The following DAZL variants were observed in gnomAD, a reference collection of about 807,000 sequenced individuals.
DAZL encodes the protein deleted in azoospermia like.
Under a neutral mutation model 45.0 loss-of-function variants are expected in DAZL, and 4 were observed. The ratio of observed to expected loss-of-function variants is 0.09; its 90% CI spans 0.04 to 0.20. The LOEUF is 0.20. DAZL is among the 10% of genes least tolerant of loss of function. The pLI is 1.00. For missense variants in DAZL, 326 were observed against 351.3 expected (o/e 0.93, Z 0.58); for synonymous variants, 122 against 112.4 (o/e 1.09, Z -0.54).
intron 7 of DAZL, among the ~76,000 whole-genome samples, chr3:16,594,849 T>C (rs1192097579): frequency 6.6e-6 from 1 of 152,106 alleles, no homozygotes; most frequent in Non-Finnish European, 1.5e-5. Flanking sequence ...TTTATTACCA[T>C]AGATATGATT....
At chr3:16,595,291 C>A (rs1694582237) in intron 7 of DAZL, 23 bp downstream of exon 7, 1 of 1,342,294 alleles carries the variant, frequency 7.4e-7, no homozygotes, top group Non-Finnish European at 1.0e-6. Context: ...GAAAGTAAAT[C>A]ATTTTACTCC....
At chr3:16,595,230 C>T (rs2125045449) in intron 7 of DAZL, 84 bp downstream of exon 7, 1 of 784,186 alleles carries the variant, frequency 1.3e-6, no homozygotes, top group Middle Eastern at 3.9e-4. Context: ...TTTAAAATGA[C>T]AAACCATTCA....
chr3:16,605,052 C>G, intron 1 of DAZL, 151 bp downstream of exon 1: 1 of 1,092,242 alleles, frequency 9.2e-7, no homozygotes, highest in Non-Finnish European at 1.4e-6. Context: ...CCTCTCCCAA[C>G]TCTGTGGGCC....
At chr3:16,604,489 G>C (rs55900737) in intron 1 of DAZL, 1 of 1,524,018 alleles carries the variant, frequency 6.6e-7, no homozygotes, top group Non-Finnish European at 8.8e-7. Flanking sequence ...GCCGCCACAC[G>C]AGGGAGCCGC....
At position 16,589,158 on chromosome 3, in the gene DAZL, G is replaced by GT. The variant is rs1193519549; in HGVS notation, c.835-446dup. On this transcript the variant is annotated intron_variant, in intron 10 of 10. Transcript: ENST00000399444. ...ATTTCATGTTTTTAGGTTAAAAGAT[G>GT]TAAGTTTTGGCATTTAAAGACATAT... Among the ~76,000 whole-genome samples, 5 of 152,110 alleles carry GT rather than the reference G, an allele frequency of 3.3e-5. No individual in the cohort carries two copies. The East Asian group carries it at 5.8e-4, about 18-fold the overall frequency.
rs941891727 is a variant in DAZL, at chr3:16,605,404, C to G, written c.-199G>C. On this transcript the variant is annotated 5_prime_UTR_variant, in exon 1 of 11. Transcript: ENST00000399444. ...GAGCCCCGAAAGGCGGACCGTCAGGCTGAGGAGCGCAGGCGGACTGAGGCG... is the reference window on the plus strand; with the variant it reads ...GAGCCCCGAAAGGCGGACCGTCAGGGTGAGGAGCGCAGGCGGACTGAGGCG... 4 of 677,916 alleles carry G rather than the reference C, an allele frequency of 5.9e-6. No homozygotes were observed. The highest frequency in any genetic ancestry group is 2.3e-5 in the Admixed American group (1 of 43,612). 42.0% of individuals were successfully genotyped at this position (677,916 alleles called of 1,614,324 possible).
rs1694629050 is a variant in DAZL at position 16,598,152 on chromosome 3, G to A, written c.177C>T (p.Phe59=). The A allele has an allele frequency of 6.2e-7, 1 of 1,600,098 alleles. No homozygotes were observed. The highest frequency in any genetic ancestry group is 2.2e-5 in the East Asian group (1 of 44,486). Residue 59 remains phenylalanine (F), a synonymous_variant, in exon 3 of 11, where the codon TTC becomes TTT. Coordinates refer to ENST00000399444, the MANE Select transcript of DAZL (RefSeq NM_001351.4). ...CTTTCACTGAACCATATCTAGCAAA[G>A]AAGCTTCTAATCTCAGTTTCATCCA... is the stretch of plus-strand genomic sequence containing the variant. ...VRMDETEIRS[F]FARYGSVKEV... is the part of the protein sequence containing the mutation.
Position 16,596,901 on chromosome 3 carries a change from G to C in DAZL, c.359-12C>G. ...CACATGATAAGCACCTTTTTGAAAA[G>C]CAAAAAGAAAAGGCCTATTTTTAGT... On this transcript the variant is annotated splice_polypyrimidine_tract_variant and intron_variant, in intron 5 of 10. Transcript: ENST00000399444. 1.2e-6 allele frequency: 2 copies of C among 1,613,508 alleles called. No individual in the cohort carries two copies. The highest frequency in any genetic ancestry group is 1.3e-5 in the African/African-American group (1 of 74,994).
chr3:16,598,776 A>G (rs1694638821), intron 1 of DAZL, among the ~76,000 whole-genome samples, 178 bp from the exon 2 acceptor site: 1 of 148,616 alleles, frequency 6.7e-6, no homozygotes, highest in Non-Finnish European at 1.5e-5. Flanking sequence ...TTTTAATGAA[A>G]GGATATAGTA....
At chr3:16,602,439 TAC>T (rs1455384324) in intron 1 of DAZL, among the ~76,000 whole-genome samples, 6 of 152,124 alleles carry the variant, frequency 3.9e-5, no homozygotes, top group Non-Finnish European at 7.3e-5. Context: ...GAGGTGCACA[TAC>T]ACATCAGACA....
intron 3 of DAZL, 114 bp downstream of exon 3, chr3:16,597,973 A>G (rs1424982720): frequency 2.8e-5 from 33 of 1,159,222 alleles, no homozygotes; most frequent in Non-Finnish European, 1.8e-5. Context: ...CCTCTACATG[A>G]AAGAAATTAA....
intron 10 of DAZL, among the ~76,000 whole-genome samples, chr3:16,590,492 C>A (rs1694501579): frequency 6.6e-6 from 1 of 152,130 alleles, no homozygotes; most frequent in Non-Finnish European, 1.5e-5. Context: ...TCTGGCAGTT[C>A]CACTGAAGGT....
intron 10 of DAZL, 77 bp downstream of exon 10, chr3:16,591,973 C>A: frequency 6.7e-7 from 1 of 1,496,094 alleles, no homozygotes; most frequent in Non-Finnish European, 9.3e-7. Context: ...TCTCAAAATA[C>A]ATATACCACA....
intron 6 of DAZL, among the ~76,000 whole-genome samples, chr3:16,595,971 T>C (rs1178894345): frequency 6.6e-6 from 1 of 151,878 alleles, no homozygotes; most frequent in Non-Finnish European, 1.5e-5. Context: ...GATGCAGTAA[T>C]GACTCACAGT....
chr3:16,602,883 C>G (rs1014234423), intron 1 of DAZL, among the ~76,000 whole-genome samples: 1 of 152,144 alleles, frequency 6.6e-6, no homozygotes, highest in Non-Finnish European at 1.5e-5. Flanking sequence ...CTCCTTATTA[C>G]TACTATGTAT....
At chr3:16,601,799 T>A (rs143370064) in intron 1 of DAZL, among the ~76,000 whole-genome samples, 1 of 152,202 alleles carries the variant, frequency 6.6e-6, no homozygotes, top group African/African-American at 2.4e-5. Context: ...ACAACTCTCA[T>A]TGTTATTTAT....
chr3:16,600,247 G>A lies in DAZL; in HGVS notation c.4-1649C>T, dbSNP rs73142526. 7.6e-3 allele frequency among the ~76,000 whole-genome samples: 1,151 copies of A among 152,258 alleles called. 10 individuals are homozygous for A. Among genetic ancestry groups the A allele is most frequent in the African/African-American group, 0.026 (1,071 of 41,544 alleles). ...AACTGTTATCTTTTTGAAAAGCACA[G>A]TAATTTTATAGGAATTAATAAGAAA... On this transcript the variant is annotated intron_variant, in intron 1 of 10. Transcript: ENST00000399444.
intron 1 of DAZL, chr3:16,604,904 G>A (rs572507685): frequency 3.0e-5 from 21 of 690,522 alleles, no homozygotes; most frequent in South Asian, 2.1e-4. Context: ...AACCCGAACC[G>A]GGAAATGGGT....
At chr3:16,597,899 G>C (rs1694624822) in intron 3 of DAZL, among the ~76,000 whole-genome samples, 188 bp downstream of exon 3, 1 of 152,166 alleles carries the variant, frequency 6.6e-6, no homozygotes, top group Non-Finnish European at 1.5e-5. Flanking sequence ...ATGAAATAAA[G>C]ATTGAAGATA....
Sources: allele counts gnomAD v4.1 joint callset (sites outside exome capture counted in the v4.1 genomes callset), GRCh38; gene constraint gnomAD v4.1.1; transcripts MANE v1.5; gene names NCBI Gene and HGNC (gene_info 2026-07-23, HGNC 2026-07-21).